STON2: variants seen among roughly 807,000 people sequenced by gnomAD.
STON2 encodes the protein stonin-2.
Under a neutral mutation model 65.7 loss-of-function variants are expected in STON2, and 29 were observed. The ratio of observed to expected loss-of-function variants is 0.44; its 90% confidence interval spans 0.33 to 0.60. The LOEUF (loss-of-function observed/expected upper bound fraction) is 0.60. STON2 is among the 20% of genes least tolerant of loss of function. STON2 has a pLI of 0.03. For synonymous variants in STON2, 404 were observed against 414.2 expected (o/e 0.98, Z 0.30); for missense variants, 1,054 against 1,118.1 (o/e 0.94, Z 0.82).
chr14:81,404,957 T>C (rs1159391935), upstream of STON2, among the ~76,000 whole-genome samples: 1 of 152,246 alleles, frequency 6.6e-6, no homozygotes, highest in Non-Finnish European at 1.5e-5. Context: ...CAGTTGATTA[T>C]ATGTAATTAC....
At chr14:81,316,168 T>A (rs1162874902) in intron 5 of STON2, among the ~76,000 whole-genome samples, 2 of 152,208 alleles carry the variant, frequency 1.3e-5, no homozygotes, top group Non-Finnish European at 2.9e-5. Context: ...AACATGAGGT[T>A]ATGATCCCTC....
At position 81,264,455 on chromosome 14, in the gene STON2, G is replaced by A; in HGVS notation, c.*3959C>T. The A allele has an allele frequency of 5.1e-6, 5 of 985,400 alleles. No individual in the cohort carries two copies. Among genetic ancestry groups the A allele is most frequent in the Non-Finnish European group, 6.0e-6 (5 of 829,930 alleles). 61.0% of individuals were successfully genotyped at this position (985,400 alleles called of 1,614,324 possible). ...ATACTCATTTTCCTTTATTTCATGA[G>A]TATACGTTTGCCCTCCTGGCAAGCA... On this transcript the variant is annotated 3_prime_UTR_variant, in exon 8 of 8. Transcript: ENST00000614646.
rs1227669749 is a variant in STON2, at chr14:81,357,097, TCAGAGTGAA to T, written c.571+13882_571+13890del. ...TTCTGCATAGCAAAAGAAACTACCA[TCAGAGTGAA>T]CAGGCAACCCACAAAATGGGAGAAA... On this transcript the variant is annotated intron_variant, in intron 4 of 7. Transcript: ENST00000614646. Among the ~76,000 whole-genome samples the T allele has an allele frequency of 1.4e-4, 21 of 151,996 alleles. No individual in the cohort carries two copies. In the East Asian group the frequency reaches 4.1e-3, roughly 30 times the overall value.
Position 81,386,936 on chromosome 14 carries a change from G to C in STON2, c.373+8958C>G, listed in dbSNP as rs141260754. Among the ~76,000 whole-genome samples the C allele has an allele frequency of 2.3e-3, 343 of 152,270 alleles. 2 individuals carry two copies. The highest frequency in any genetic ancestry group is 3.5e-3 in the Non-Finnish European group (237 of 68,030). On this transcript the variant is annotated intron_variant, in intron 3 of 7. Coordinates refer to ENST00000614646, the MANE Select transcript of STON2 (RefSeq NM_001394390.1). ...TTGAGAGAACAGTATAAAGATTTTG[G>C]ATGATAGATGGGCTGACTGCTATAT...
At chr14:81,305,444 T>C (rs780716320) in intron 5 of STON2, among the ~76,000 whole-genome samples, 1 of 152,226 alleles carries the variant, frequency 6.6e-6, no homozygotes, top group Non-Finnish European at 1.5e-5. Flanking sequence ...TTTACTGAAC[T>C]TTCACTGATG....
Position 81,277,356 on chromosome 14 carries a change from T to G in STON2, c.2126A>C (p.Asp709Ala). ...LHECRFHGCV[D>A]EDVFHNSRVI... ...CCGTGAGTTGTGGAAAACATCCTCA[T>G]CCACACACCCATGGAAACGGCACTC... Residue 709 changes from aspartate to alanine, a missense_variant, in exon 6 of 8, where the codon GAT becomes GCT. Physicochemically the swap from Asp to Ala is moderately radical, Grantham distance 126. Coordinates refer to ENST00000614646, the MANE Select transcript of STON2 (RefSeq NM_001394390.1). 6.2e-7 allele frequency: 1 copy of G among 1,614,156 alleles called. No individual in the cohort carries two copies. Among genetic ancestry groups the G allele is most frequent in the Non-Finnish European group, 8.5e-7 (1 of 1,180,020 alleles).
At position 81,267,880 on chromosome 14, in the gene STON2, G is replaced by A. The variant is rs1297867640; in HGVS notation, c.*534C>T. On this transcript the variant is annotated 3_prime_UTR_variant, in exon 8 of 8. Coordinates refer to ENST00000614646, the MANE Select transcript of STON2 (RefSeq NM_001394390.1). ...CTTGAAAGCTTAACAGTTAAAGAAT[G>A]GAGACACCTCAAAAAGGTCTAGTAA... 1 of 985,322 alleles carries A rather than the reference G, an allele frequency of 1.0e-6. No individual in the cohort carries two copies. The highest frequency in any genetic ancestry group is 1.7e-5 in the African/African-American group (1 of 57,200). 61.0% of individuals were successfully genotyped at this position (985,322 alleles called of 1,614,324 possible).
At chr14:81,317,829 C>T (rs1342056859) in intron 5 of STON2, among the ~76,000 whole-genome samples, 1 of 152,096 alleles carries the variant, frequency 6.6e-6, no homozygotes, top group Non-Finnish European at 1.5e-5. Context: ...GCCCAGTAAC[C>T]CATAATCTTT....
At position 81,268,240 on chromosome 14, in the gene STON2, C is replaced by T. The variant is rs956968861; in HGVS notation, c.*174G>A. On this transcript the variant is annotated 3_prime_UTR_variant, in exon 8 of 8. Coordinates refer to ENST00000614646, the MANE Select transcript of STON2 (RefSeq NM_001394390.1). ...CCAAAAGCCACCATTCTCAGGGTTT[C>T]CTGGTAAAATACAAGTAACTGCAAA... 2 of 1,151,592 alleles carry T rather than the reference C, an allele frequency of 1.7e-6. No homozygotes were observed. The highest frequency in any genetic ancestry group is 3.3e-5 in the African/African-American group (2 of 61,196). The allele number at this position is 1,151,592 out of a possible 1,614,324, so 71.3% of individuals were successfully genotyped here.
Position 81,261,659 on chromosome 14 carries a change from T to C in STON2, c.*6755A>G, listed in dbSNP as rs998068260. On this transcript the variant is annotated 3_prime_UTR_variant, in exon 8 of 8. Transcript: ENST00000614646. ...ACAATATTTTATACAAAATGACAAATATATATATACCTCATTGATTATCCT... is the reference window on the plus strand; with the variant it reads ...ACAATATTTTATACAAAATGACAAACATATATATACCTCATTGATTATCCT... The C allele has an allele frequency of 3.7e-5, 32 of 856,924 alleles. No individual in the cohort carries two copies. Among genetic ancestry groups the C allele is most frequent in the Non-Finnish European group, 4.1e-5 (26 of 635,656 alleles). The allele number at this position is 856,924 out of a possible 1,614,324, so 53.1% of individuals were successfully genotyped here.
Position 81,264,614 on chromosome 14 carries a change from T to A in STON2, c.*3800A>T, listed in dbSNP as rs1380878177. On this transcript the variant is annotated 3_prime_UTR_variant, in exon 8 of 8. Transcript: ENST00000614646. Reference sequence around the variant, plus strand: ...AGTTTCTAGGGAAATAAACTCTTACTCCCAGCCACTGGATTTGAATAGAAA... The same window carrying A: ...AGTTTCTAGGGAAATAAACTCTTACACCCAGCCACTGGATTTGAATAGAAA... 7 of 984,868 alleles carry A rather than the reference T, an allele frequency of 7.1e-6. No individual in the cohort carries two copies. The highest frequency in any genetic ancestry group is 8.4e-6 in the Non-Finnish European group (7 of 829,604). The allele number at this position is 984,868 out of a possible 1,614,324, so 61.0% of individuals were successfully genotyped here.
intron 4 of STON2, among the ~76,000 whole-genome samples, chr14:81,347,902 C>CAAAAA (rs755109204): frequency 5.6e-4 from 29 of 51,530 alleles, no homozygotes; most frequent in African/African-American, 7.0e-4. Flanking sequence ...TGTCTCTTAC[C>CAAAAA]AAAAAAAAAA....
chr14:81,307,910 T>C (rs550176766), intron 5 of STON2, among the ~76,000 whole-genome samples: 2 of 152,308 alleles, frequency 1.3e-5, no homozygotes, highest in Admixed American at 6.5e-5. Flanking sequence ...AGTAGTTATG[T>C]TTTTGGGGAG....
At chr14:81,268,606 C>G in intron 7 of STON2, 109 bp from the exon 8 acceptor site, 1 of 1,256,652 alleles carries the variant, frequency 8.0e-7, no homozygotes, top group Non-Finnish European at 1.0e-6. Flanking sequence ...TATAATTTTG[C>G]TAACATTTTG....
chr14:81,274,651 T>C (rs915375082), intron 6 of STON2, among the ~76,000 whole-genome samples: 1 of 151,794 alleles, frequency 6.6e-6, no homozygotes, highest in Non-Finnish European at 1.5e-5. Flanking sequence ...GTACAAAAAA[T>C]AGGGCCAGGT....
intron 4 of STON2, among the ~76,000 whole-genome samples, chr14:81,345,117 C>T (rs1897761171): frequency 6.6e-6 from 1 of 152,212 alleles, no homozygotes; most frequent in Non-Finnish European, 1.5e-5. Flanking sequence ...TCCAGAAATA[C>T]TATATAGGTT....
rs534160108 is a variant in STON2, at chr14:81,340,014, C to T, written c.572-15827G>A. On this transcript the variant is annotated intron_variant, in intron 4 of 7. Coordinates refer to ENST00000614646, the MANE Select transcript of STON2 (RefSeq NM_001394390.1). Reference sequence around the variant, plus strand: ...CTAAAAATACAAAAAATTAGCCGGGCGTGGTGGCGGGCGCCTGTAGTCCTA... The same window carrying T: ...CTAAAAATACAAAAAATTAGCCGGGTGTGGTGGCGGGCGCCTGTAGTCCTA... Among the ~76,000 whole-genome samples the T allele has an allele frequency of 4.0e-3, 605 of 152,222 alleles. 1 individual carries two copies. The highest frequency in any genetic ancestry group is 0.014 in the African/African-American group (572 of 41,516).
intron 5 of STON2, among the ~76,000 whole-genome samples, chr14:81,313,568 G>A (rs1467578405): frequency 6.6e-6 from 1 of 152,018 alleles, no homozygotes; most frequent in Non-Finnish European, 1.5e-5. Flanking sequence ...GCCGAGGCAG[G>A]TAGATCACTT....
At position 81,264,127 on chromosome 14, in the gene STON2, G is replaced by T. The variant is rs1894268363; in HGVS notation, c.*4287C>A. 2.0e-6 allele frequency: 2 copies of T among 985,322 alleles called. No homozygotes were observed. Among genetic ancestry groups the T allele is most frequent in the Non-Finnish European group, 2.4e-6 (2 of 829,940 alleles). The allele number at this position is 985,322 out of a possible 1,614,324, so 61.0% of individuals were successfully genotyped here. A position where few individuals can be genotyped will look rare whatever the true frequency, so the allele number is the denominator to read the frequency against. ...GATCTGTTTGACTTGCAGGAACAAA[G>T]CAATCAATCACCGTGACTATGGACA... On this transcript the variant is annotated 3_prime_UTR_variant, in exon 8 of 8. Coordinates refer to ENST00000614646, the MANE Select transcript of STON2 (RefSeq NM_001394390.1).
Sources: gnomAD v4.1 joint callset for allele counts (sites outside exome capture counted in the v4.1 genomes callset) on GRCh38, gnomAD v4.1.1 for gene constraint, MANE v1.5 for transcripts, NCBI Gene and HGNC (gene_info 2026-07-23, HGNC 2026-07-21) for gene names.